RUFY1: variants seen among roughly 807,000 people sequenced by gnomAD.
RUFY1 encodes the protein RUN and FYVE domain containing 1.
A neutral mutation model predicts 94.6 loss-of-function variants in RUFY1; 54 were observed. That is an observed-to-expected ratio of 0.57 (90% CI 0.46 to 0.72). RUFY1 has a LOEUF of 0.72. RUFY1 is among the 30% of genes least tolerant of loss of function. The pLI is 0.00. For synonymous variants in RUFY1, 396 were observed against 347.3 expected, an observed-to-expected ratio of 1.14 and a Z score of -1.56; for missense variants, 883 against 883.9, an observed-to-expected ratio of 1.00 and a Z score of 0.01.
At chr5:179,559,058 C>T (rs1762251037) in intron 1 of RUFY1, among the ~76,000 whole-genome samples, 2 of 152,110 alleles carry the variant, frequency 1.3e-5, no homozygotes, top group South Asian at 4.1e-4. Context: ...CAATACGATC[C>T]CCCGCCCCCA....
intron 10 of RUFY1, among the ~76,000 whole-genome samples, chr5:179,592,257 C>G (rs191243773): frequency 6.6e-6 from 1 of 152,052 alleles, no homozygotes; most frequent in South Asian, 2.1e-4. Context: ...GTAGCTGGGA[C>G]TACAGGCATA....
chr5:179,560,801 AAATT>A (rs1262294514), intron 2 of RUFY1, among the ~76,000 whole-genome samples: 1 of 152,146 alleles, frequency 6.6e-6, no homozygotes, highest in Non-Finnish European at 1.5e-5. Context: ...AAACTTTTAA[AAATT>A]AAGAAAAAAA....
intron 1 of RUFY1, among the ~76,000 whole-genome samples, chr5:179,554,786 G>A (rs1198007408): frequency 4.0e-5 from 6 of 151,756 alleles, no homozygotes; most frequent in African/African-American, 7.3e-5. Flanking sequence ...TGGCCAACAT[G>A]GTGAAACCCC....
chr5:179,591,517 T>A, intron 9 of RUFY1, 108 bp from the exon 10 acceptor site: 1 of 763,508 alleles, frequency 1.3e-6, no homozygotes, highest in Non-Finnish European at 2.2e-6. Flanking sequence ...GCTTAAAAAA[T>A]AAAAATTACC....
At chr5:179,577,458 C>T (rs1763712504) in intron 6 of RUFY1, among the ~76,000 whole-genome samples, 1 of 151,642 alleles carries the variant, frequency 6.6e-6, no homozygotes, top group Non-Finnish European at 1.5e-5. Context: ...ACCCACCGCG[C>T]CCAGCCACGT....
At chr5:179,601,221 T>C (rs895187552) in intron 14 of RUFY1, among the ~76,000 whole-genome samples, 3 of 151,774 alleles carry the variant, frequency 2.0e-5, no homozygotes, top group African/African-American at 7.3e-5. Flanking sequence ...CAGGCTGGAG[T>C]ACAGTAGCAC....
At chr5:179,568,142 G>A (rs776389634) in intron 4 of RUFY1, among the ~76,000 whole-genome samples, 4 of 151,956 alleles carry the variant, frequency 2.6e-5, no homozygotes, top group Non-Finnish European at 5.9e-5. Flanking sequence ...TACTCAGGAC[G>A]CTGAGGCAGG....
intron 17 of RUFY1, among the ~76,000 whole-genome samples, chr5:179,609,132 G>A (rs1767436312): frequency 1.3e-5 from 2 of 148,720 alleles, no homozygotes; most frequent in South Asian, 4.3e-4. Flanking sequence ...GCGTGAACCT[G>A]GGAGGCAGAG....
At position 179,596,126 on chromosome 5, in the gene RUFY1, A is replaced by T. The variant is rs909377485; in HGVS notation, c.1512-436A>T. The T allele has an allele frequency of 3.4e-5, 8 of 236,734 alleles. No homozygotes were observed. In the South Asian group the frequency reaches 3.7e-4, roughly 11 times the overall value. The allele number at this position is 236,734 out of a possible 1,614,324, so 14.7% of individuals were successfully genotyped here. ...TTGGGTGATGGATAAACAAAGTGGT[A>T]CGTCTGTGCGGTGAAGTATGACTCA... is the stretch of plus-strand genomic sequence containing the variant. On this transcript the variant is annotated intron_variant, in intron 12 of 17. Transcript: ENST00000319449.
At chr5:179,579,359 T>G (rs980289319) in intron 6 of RUFY1, among the ~76,000 whole-genome samples, 7 of 152,190 alleles carry the variant, frequency 4.6e-5, no homozygotes, top group Non-Finnish European at 8.8e-5. Flanking sequence ...TTTTGTAGTT[T>G]CGCTCTTATT....
At chr5:179,559,917 A>G (rs565521530) in intron 1 of RUFY1, 108 bp from the exon 2 acceptor site, 134 of 1,476,814 alleles carry the variant, frequency 9.1e-5, no homozygotes, top group Non-Finnish European at 1.1e-4. Context: ...TCCGTTCCCT[A>G]AGCAGACCGC....
chr5:179,573,706 T>A (rs777296847), intron 5 of RUFY1, among the ~76,000 whole-genome samples: 8 of 152,006 alleles, frequency 5.3e-5, no homozygotes, highest in Admixed American at 1.3e-4. Flanking sequence ...GTATTTTTAG[T>A]AGAGATGGGG....
At chr5:179,554,490 C>T (rs938621306) in intron 1 of RUFY1, among the ~76,000 whole-genome samples, 19 of 151,184 alleles carry the variant, frequency 1.3e-4, no homozygotes, top group Admixed American at 5.9e-4. Flanking sequence ...GAGCCAAGAT[C>T]GCCGCATTGC....
At chr5:179,581,134 A>G (rs941621690) in intron 7 of RUFY1, 122 bp downstream of exon 7, 27 of 632,866 alleles carry the variant, frequency 4.3e-5, no homozygotes, top group Non-Finnish European at 7.1e-5. Flanking sequence ...CAAAAGGGTC[A>G]TCATTCAGGC....
At chr5:179,580,239 G>GTATATATATATA (rs1390515466) in intron 6 of RUFY1, among the ~76,000 whole-genome samples, 23 of 51,262 alleles carry the variant, frequency 4.5e-4, no homozygotes, top group Non-Finnish European at 9.0e-4. Context: ...GTGTGTGTGT[G>GTATATATATATA]TGTATATTTT....
chr5:179,593,686 G>C, intron 11 of RUFY1, 41 bp downstream of exon 11: 1 of 1,598,134 alleles, frequency 6.3e-7, no homozygotes, highest in Non-Finnish European at 8.5e-7. Flanking sequence ...CCTGGTTTCT[G>C]CTGCTCGCCA....
intron 5 of RUFY1, among the ~76,000 whole-genome samples, chr5:179,576,015 A>G (rs1333800847): frequency 1.3e-5 from 2 of 152,232 alleles, no homozygotes; most frequent in South Asian, 2.1e-4. Flanking sequence ...TCCTGAGCCC[A>G]AGCCATCCAC....
chr5:179,602,996 G>C (rs765167141), intron 15 of RUFY1, among the ~76,000 whole-genome samples: 11 of 152,118 alleles, frequency 7.2e-5, no homozygotes, highest in African/African-American at 2.7e-4. Flanking sequence ...GGCCGGGTGC[G>C]GTGGCTCACG....
chr5:179,598,907 C>T (rs905964404), intron 14 of RUFY1, 86 bp downstream of exon 14: 5 of 1,506,610 alleles, frequency 3.3e-6, no homozygotes, highest in Non-Finnish European at 4.5e-6. Context: ...TCTCCCCGCA[C>T]CCTTTGTGTG....
Sources: gnomAD v4.1 joint callset for allele counts (sites outside exome capture counted in the v4.1 genomes callset) on GRCh38, gnomAD v4.1.1 for gene constraint, MANE v1.5 for transcripts, NCBI Gene and HGNC (gene_info 2026-07-23, HGNC 2026-07-21) for gene names.